The following TGFB2 variants were observed in gnomAD, a reference collection of about 807,000 sequenced individuals.
TGFB2 encodes transforming growth factor beta 2, also known as transforming growth factor beta-2 proprotein.
TGFB2 carries 13 observed loss-of-function variants against 42.7 expected under a neutral mutation model. The observed-to-expected ratio is 0.30, with a 90% CI of 0.20 to 0.48. TGFB2 has a LOEUF of 0.48. TGFB2 is among the 20% of genes least tolerant of loss of function. TGFB2 has a pLI of 0.99. For synonymous variants in TGFB2, 193 were observed against 193.6 expected, an observed-to-expected ratio of 1.00 and a Z score of 0.03; for missense variants, 390 against 517.5, an observed-to-expected ratio of 0.75 and a Z score of 2.39.
chr1:218,382,495 G>A (rs961568094), intron 1 of TGFB2, among the ~76,000 whole-genome samples: 12 of 152,188 alleles, frequency 7.9e-5, no homozygotes, highest in Non-Finnish European at 1.5e-4. Flanking sequence ...TCATCCAGGC[G>A]CTCGCTGATG....
intron 1 of TGFB2, among the ~76,000 whole-genome samples, chr1:218,350,254 A>G (rs906490787): frequency 1.3e-5 from 2 of 152,136 alleles, no homozygotes; most frequent in African/African-American, 2.4e-5. Flanking sequence ...ATTGTAACCA[A>G]TCAGCACATG....
chr1:218,352,256 C>G (rs1052271716), intron 1 of TGFB2, among the ~76,000 whole-genome samples: 1 of 151,918 alleles, frequency 6.6e-6, no homozygotes, highest in Non-Finnish European at 1.5e-5. Flanking sequence ...CTGATGGGCT[C>G]CCGGAGAGAG....
chr1:218,411,963 G>A lies in TGFB2; in HGVS notation c.510+6631G>A, dbSNP rs971621282. On this transcript the variant is annotated intron_variant, in intron 2 of 6. Coordinates refer to ENST00000366930, the MANE Select transcript of TGFB2 (RefSeq NM_003238.6). ...AACTACAGGGCAGCCCAGATTCAAAGGGAAAGGAAATAGATCCCATATATC... is the reference window on the plus strand; with the variant it reads ...AACTACAGGGCAGCCCAGATTCAAAAGGAAAGGAAATAGATCCCATATATC... Among the ~76,000 whole-genome samples the A allele has an allele frequency of 2.6e-5, 4 of 152,050 alleles. No homozygotes were observed. In the East Asian group the frequency reaches 5.8e-4, roughly 22 times the overall value.
intron 1 of TGFB2, among the ~76,000 whole-genome samples, chr1:218,398,640 T>G (rs1658605392): frequency 1.3e-5 from 2 of 152,144 alleles, no homozygotes; most frequent in South Asian, 4.1e-4. Flanking sequence ...CAGGCTGGAG[T>G]GCAGTGGTGC....
chr1:218,418,398 A>G (rs906230420), intron 2 of TGFB2, among the ~76,000 whole-genome samples: 19 of 152,200 alleles, frequency 1.2e-4, no homozygotes, highest in African/African-American at 4.1e-4. Context: ...TGGAATGACT[A>G]TATTTACCCA....
intron 1 of TGFB2, among the ~76,000 whole-genome samples, chr1:218,358,876 C>T (rs1182269701): frequency 6.6e-6 from 1 of 152,112 alleles, no homozygotes; most frequent in Non-Finnish European, 1.5e-5. Context: ...GGCTTAGAAA[C>T]TCCAGAAAAG....
At position 218,441,565 on chromosome 1, in the gene TGFB2, T is replaced by A; in HGVS notation, c.*203T>A. The A allele has an allele frequency of 2.3e-6, 1 of 444,212 alleles. No individual in the cohort carries two copies. Among genetic ancestry groups the A allele is most frequent in the Non-Finnish European group, 3.8e-6 (1 of 260,512 alleles). The allele number at this position is 444,212 out of a possible 1,614,324, so 27.5% of individuals were successfully genotyped here. ...AAACTGGCATCTGACACAAAAAAAGTTGAAGGCCTTATTCTACATTTCACC... is the reference window on the plus strand; with the variant it reads ...AAACTGGCATCTGACACAAAAAAAGATGAAGGCCTTATTCTACATTTCACC... On this transcript the variant is annotated 3_prime_UTR_variant, in exon 7 of 7. Coordinates refer to ENST00000366930, the MANE Select transcript of TGFB2 (RefSeq NM_003238.6).
chr1:218,430,253 G>A (rs935925562), intron 2 of TGFB2, among the ~76,000 whole-genome samples: 1 of 152,008 alleles, frequency 6.6e-6, no homozygotes, highest in Non-Finnish European at 1.5e-5. Context: ...AATTAGCCGG[G>A]CATGGGTGGC....
At chr1:218,427,403 T>C (rs1659659523) in intron 2 of TGFB2, among the ~76,000 whole-genome samples, 1 of 152,162 alleles carries the variant, frequency 6.6e-6, no homozygotes, top group Non-Finnish European at 1.5e-5. Context: ...GTTACATATG[T>C]ATACATGTGC....
intron 1 of TGFB2, among the ~76,000 whole-genome samples, chr1:218,385,631 G>A (rs576881778): frequency 1.5e-4 from 23 of 152,342 alleles, no homozygotes; most frequent in African/African-American, 5.5e-4. Context: ...CACACACAGA[G>A]GGTGTCTTTG....
intron 1 of TGFB2, among the ~76,000 whole-genome samples, chr1:218,378,517 T>C (rs1571851062): frequency 6.6e-6 from 1 of 152,112 alleles, no homozygotes; most frequent in East Asian, 1.9e-4. Context: ...TTTCACCATG[T>C]TGGCCAGGCT....
chr1:218,422,670 C>T (rs1240814362), intron 2 of TGFB2, among the ~76,000 whole-genome samples: 1 of 152,172 alleles, frequency 6.6e-6, no homozygotes, highest in African/African-American at 2.4e-5. Context: ...AGGATAGATG[C>T]CCTGCCTGTA....
In TGFB2 at chr1:218,444,545, A is replaced by T. The variant is rs558156289; in HGVS notation, c.*3183A>T. The T allele has an allele frequency of 6.6e-6, 1 of 152,176 alleles. No individual in the cohort carries two copies. 9.4% of individuals were successfully genotyped at this position (152,176 alleles called of 1,614,324 possible). A position where few individuals can be genotyped will look rare whatever the true frequency, so the allele number is the denominator to read the frequency against. ...CCTCCAATTTTTTTGGCTGCTACCT[A>T]CAAGACCAGACTCCTCAAACGAGTT... On this transcript the variant is annotated 3_prime_UTR_variant, in exon 7 of 7. Coordinates refer to ENST00000366930, the MANE Select transcript of TGFB2 (RefSeq NM_003238.6).
rs747685616 is a variant in TGFB2, at chr1:218,405,445, A to G, written c.510+113A>G. 1.6e-5 allele frequency: 25 copies of G among 1,566,280 alleles called. No homozygotes were observed. In the South Asian group the frequency reaches 2.8e-4, roughly 18 times the overall value. On this transcript the variant is annotated intron_variant, in intron 2 of 6. Transcript: ENST00000366930. ...AGTGGCATGATCACAGCTCACTGCA[A>G]CCTTGAACTCCTGGGTTCAAACGAT...
chr1:218,365,836 C>A (rs1448562817), intron 1 of TGFB2, among the ~76,000 whole-genome samples: 1 of 152,228 alleles, frequency 6.6e-6, no homozygotes, highest in Non-Finnish European at 1.5e-5. Context: ...AGGGCCATCC[C>A]TGTCACCTTG....
chr1:218,383,224 A>G (rs1658021556), intron 1 of TGFB2, among the ~76,000 whole-genome samples: 2 of 152,210 alleles, frequency 1.3e-5, no homozygotes, highest in Admixed American at 1.3e-4. Context: ...TGATGCAACC[A>G]GGGGTTTAAT....
rs2102628719 is a variant in TGFB2, at chr1:218,436,163, G to A, written c.932+16G>A. ...ATTGCTTTAGGTAAAGGAAAGAAAA[G>A]TAAAACCAAGTAATTGCATCTGTTA... On this transcript the variant is annotated intron_variant, in intron 5 of 6. Coordinates refer to ENST00000366930, the MANE Select transcript of TGFB2 (RefSeq NM_003238.6). 6.2e-7 allele frequency: 1 copy of A among 1,603,632 alleles called. No homozygotes were observed. Among genetic ancestry groups the A allele is most frequent in the South Asian group, 1.1e-5 (1 of 89,218 alleles).
chr1:218,361,092 G>T (rs1657195166), intron 1 of TGFB2, among the ~76,000 whole-genome samples: 1 of 152,264 alleles, frequency 6.6e-6, no homozygotes, highest in East Asian at 1.9e-4. Context: ...TGACCTCGTG[G>T]TCTGCCTGCC....
At chr1:218,357,070 G>A (rs1657058615) in intron 1 of TGFB2, among the ~76,000 whole-genome samples, 2 of 152,112 alleles carry the variant, frequency 1.3e-5, no homozygotes, top group South Asian at 4.2e-4. Flanking sequence ...AAATTAGCCG[G>A]GCATGGTGGT....
Sources: allele counts gnomAD v4.1 joint callset (sites outside exome capture counted in the v4.1 genomes callset), GRCh38; gene constraint gnomAD v4.1.1; transcripts MANE v1.5; gene names NCBI Gene and HGNC (gene_info 2026-07-23, HGNC 2026-07-21).